ZFYVE9: variants seen among roughly 807,000 people sequenced by gnomAD.
ZFYVE9 encodes zinc finger FYVE-type containing 9, also known as zinc finger FYVE domain-containing protein 9.
ZFYVE9 carries 43 observed loss-of-function variants against 126.7 expected under a neutral mutation model. That is an observed-to-expected ratio of 0.34 (90% CI 0.27 to 0.44). ZFYVE9 has a LOEUF of 0.44. Among genes scored for constraint, ZFYVE9 ranks in the 20% least tolerant of loss-of-function variants. ZFYVE9 has a pLI of 1.00. For synonymous variants in ZFYVE9, 521 were observed against 597.4 expected, an observed-to-expected ratio of 0.87 and a Z score of 1.87; for missense variants, 1,476 against 1,697.0, an observed-to-expected ratio of 0.87 and a Z score of 2.29.
intron 12 of ZFYVE9, among the ~76,000 whole-genome samples, chr1:52,301,774 C>T (rs1646037999): frequency 6.6e-6 from 1 of 152,220 alleles, no homozygotes. Context: ...CCTTCTCTCC[C>T]TGAAGGAGAT....
At chr1:52,200,137 C>T (rs1039738150) in intron 1 of ZFYVE9, among the ~76,000 whole-genome samples, 1 of 151,288 alleles carries the variant, frequency 6.6e-6, no homozygotes, top group Non-Finnish European at 1.5e-5. Flanking sequence ...CTTGTCTTTT[C>T]ATCCTCTTAA....
chr1:52,233,253 T>G lies in ZFYVE9; in HGVS notation c.47T>G (p.Leu16Ter). The G allele has an allele frequency of 6.3e-7, 1 of 1,583,234 alleles. No individual in the cohort carries two copies. Among genetic ancestry groups the G allele is most frequent in the East Asian group, 2.3e-5 (1 of 44,082 alleles). ...GAAGCTTACAACCTGGACAAGGTGTTAGATGAATTTGAACAAAACGAAGGT... is the reference window on the plus strand; with the variant it reads ...GAAGCTTACAACCTGGACAAGGTGTGAGATGAATTTGAACAAAACGAAGGT... The part of the protein sequence containing the change: ...QAEAYNLDKV[L>*]DEFEQNEDET... The change falls in exon 3 of 19, where the codon TTA becomes TGA. Residue 16 changes from leucine (L) to a stop codon, truncating the protein, a stop_gained. Transcript: ENST00000287727. LOFTEE classifies it high-confidence loss of function.
At chr1:52,176,477 C>G (rs1414511018) in intron 1 of ZFYVE9, among the ~76,000 whole-genome samples, 1 of 152,100 alleles carries the variant, frequency 6.6e-6, no homozygotes, top group East Asian at 1.9e-4. Context: ...TGCCCATTCT[C>G]AGATCTCCAC....
intron 1 of ZFYVE9, among the ~76,000 whole-genome samples, chr1:52,213,451 G>C (rs889171857): frequency 6.6e-6 from 1 of 152,044 alleles, no homozygotes; most frequent in Non-Finnish European, 1.5e-5. Flanking sequence ...AGGAGTTTGA[G>C]ACCAGCCTGG....
At chr1:52,255,953 C>CTTTTCTT (rs1553129422) in intron 4 of ZFYVE9, among the ~76,000 whole-genome samples, 2 of 101,214 alleles carry the variant, frequency 2.0e-5, no homozygotes, top group Non-Finnish European at 3.9e-5. Context: ...CTTTTCTTTT[C>CTTTTCTT]TTTTCTTTTC....
At chr1:52,252,337 TG>T (rs1202813963) in intron 4 of ZFYVE9, 3 of 155,942 alleles carry the variant, frequency 1.9e-5, no homozygotes, top group Non-Finnish European at 4.2e-5. Context: ...TTGTTTGTTT[TG>T]GGGTTTTTTT....
rs536742529 is a variant in ZFYVE9, at chr1:52,191,442, A to G, written c.-142-24927A>G. On this transcript the variant is annotated intron_variant, in intron 1 of 18. Coordinates refer to ENST00000287727, the MANE Select transcript of ZFYVE9 (RefSeq NM_004799.4). ...AGATGCAGCCATGACCCAGTCAGAC[A>G]CTTGCCCTCATGAAGTGACTTGTCT... is the stretch of plus-strand genomic sequence containing the variant. Among the ~76,000 whole-genome samples, 7 of 152,290 alleles carry G rather than the reference A, an allele frequency of 4.6e-5. No homozygotes were observed. In the South Asian group the frequency reaches 1.5e-3, roughly 32 times the overall value.
intron 1 of ZFYVE9, among the ~76,000 whole-genome samples, chr1:52,173,097 C>G (rs1332037887): frequency 6.6e-6 from 1 of 151,718 alleles, no homozygotes; most frequent in Non-Finnish European, 1.5e-5. Flanking sequence ...AAAGGGAATG[C>G]TTCCAGTTTT....
rs1356109492 is a variant in ZFYVE9, at chr1:52,266,731, T to G, written c.2355T>G (p.Thr785=). 1 of 1,612,550 alleles carries G rather than the reference T, an allele frequency of 6.2e-7. No individual in the cohort carries two copies. The highest frequency in any genetic ancestry group is 8.5e-7 in the Non-Finnish European group (1 of 1,179,402). The change falls in exon 6 of 19, where the codon ACT becomes ACG. Residue 785 remains threonine, a synonymous_variant. Coordinates refer to ENST00000287727, the MANE Select transcript of ZFYVE9 (RefSeq NM_004799.4). ...ACAATCCTGCTGAATACTGTTCTAC[T>G]ATCCCTCCCTTGCAGCAAGCTCAGG... The part of the protein sequence containing the change: ...NPNNPAEYCS[T]IPPLQQAQAS...
chr1:52,294,555 C>T (rs543932404), intron 11 of ZFYVE9, among the ~76,000 whole-genome samples: 4 of 152,234 alleles, frequency 2.6e-5, no homozygotes, highest in South Asian at 2.1e-4. Context: ...TATAGGCTCT[C>T]GGGAACTTTT....
At chr1:52,345,277 A>G (rs999139755) in intron 18 of ZFYVE9, among the ~76,000 whole-genome samples, 1 of 151,806 alleles carries the variant, frequency 6.6e-6, no homozygotes, top group African/African-American at 2.4e-5. Flanking sequence ...TGTTCCCTCA[A>G]CCCTTTAGCT....
intron 5 of ZFYVE9, among the ~76,000 whole-genome samples, chr1:52,266,207 C>T (rs568144560): frequency 3.3e-5 from 5 of 151,840 alleles, no homozygotes; most frequent in Non-Finnish European, 7.4e-5. Context: ...ATGCCATTCT[C>T]CTGCCTCAGC....
intron 1 of ZFYVE9, chr1:52,179,924 A>G: frequency 9.6e-7 from 1 of 1,043,076 alleles, no homozygotes; most frequent in Non-Finnish European, 1.5e-6. Flanking sequence ...AAGAATTGGA[A>G]GAGGAGGCAG....
chr1:52,255,812 A>G (rs953183026), intron 4 of ZFYVE9, among the ~76,000 whole-genome samples: 2 of 151,984 alleles, frequency 1.3e-5, no homozygotes, highest in East Asian at 3.9e-4. Flanking sequence ...CCGAGATTGC[A>G]TCACTGCACT....
At chr1:52,159,396 C>T (rs1214754186) in intron 1 of ZFYVE9, among the ~76,000 whole-genome samples, 1 of 152,146 alleles carries the variant, frequency 6.6e-6, no homozygotes, top group Non-Finnish European at 1.5e-5. Flanking sequence ...ATAAGAGATA[C>T]ATGAAGTAGG....
chr1:52,172,298 AT>A (rs1233213432), intron 1 of ZFYVE9, among the ~76,000 whole-genome samples: 1 of 152,162 alleles, frequency 6.6e-6, no homozygotes, highest in African/African-American at 2.4e-5. Flanking sequence ...TTTGTCAAAG[AT>A]CAGATAGTTG....
At chr1:52,234,535 T>C (rs887020829) in intron 3 of ZFYVE9, among the ~76,000 whole-genome samples, 1 of 152,224 alleles carries the variant, frequency 6.6e-6, no homozygotes, top group African/African-American at 2.4e-5. Context: ...GGCTATTCTT[T>C]GATAGCAGTT....
At chr1:52,203,573 G>C (rs145125471) in intron 1 of ZFYVE9, among the ~76,000 whole-genome samples, 2 of 147,526 alleles carry the variant, frequency 1.4e-5, no homozygotes, top group East Asian at 4.0e-4. Flanking sequence ...TTCATGCTTG[G>C]TGTTCTCTGA....
intron 1 of ZFYVE9, among the ~76,000 whole-genome samples, chr1:52,161,949 AAG>A (rs997877895): frequency 1.3e-5 from 2 of 150,066 alleles, no homozygotes; most frequent in Non-Finnish European, 2.9e-5. Context: ...AAAAAAAAAA[AAG>A]TTTACGGAGT....
Sources: gnomAD v4.1 joint callset for allele counts (sites outside exome capture counted in the v4.1 genomes callset) on GRCh38, gnomAD v4.1.1 for gene constraint, MANE v1.5 for transcripts, NCBI Gene and HGNC (gene_info 2026-07-23, HGNC 2026-07-21) for gene names.